Variants in ARHGAP42 observed in about 807,000 individuals in gnomAD.
ARHGAP42 encodes the protein rho GTPase-activating protein 42.
In ARHGAP42, 63 loss-of-function variants were observed where a neutral mutation model predicts 125.0. The observed-to-expected ratio is 0.50, with a 90% CI of 0.41 to 0.62. The LOEUF is 0.62. Among genes scored for constraint, ARHGAP42 ranks in the 20% least tolerant of loss-of-function variants. ARHGAP42 has a pLI of 0.00. For synonymous variants in ARHGAP42, 339 were observed against 351.0 expected (o/e 0.97, Z 0.38); for missense variants, 766 against 1,024.2 (o/e 0.75, Z 3.44).
At chr11:100,753,150 G>A (rs1303879904) in intron 1 of ARHGAP42, among the ~76,000 whole-genome samples, 2 of 152,124 alleles carry the variant, frequency 1.3e-5, no homozygotes, top group African/African-American at 4.8e-5. Flanking sequence ...GGCAAGCAGA[G>A]GCCCCTGTGG....
chr11:100,916,709 G>A (rs910450947), intron 5 of ARHGAP42, among the ~76,000 whole-genome samples: 3 of 152,158 alleles, frequency 2.0e-5, no homozygotes, highest in Admixed American at 6.5e-5. Context: ...TAGTTGAGAC[G>A]ATTTCTCTTG....
At chr11:100,766,206 A>G (rs1171854486) in intron 1 of ARHGAP42, among the ~76,000 whole-genome samples, 1 of 145,824 alleles carries the variant, frequency 6.9e-6, no homozygotes, top group African/African-American at 2.5e-5. Flanking sequence ...AAGTTAGGCA[A>G]ATGGGAAGGA....
At chr11:100,930,232 A>T (rs2135256496) in intron 6 of ARHGAP42, among the ~76,000 whole-genome samples, 1 of 152,340 alleles carries the variant, frequency 6.6e-6, no homozygotes, top group Admixed American at 6.5e-5. Flanking sequence ...TCACCAAAGA[A>T]AATGATATGT....
chr11:100,723,758 C>T (rs903767144), intron 1 of ARHGAP42, among the ~76,000 whole-genome samples: 1 of 151,682 alleles, frequency 6.6e-6, no homozygotes, highest in East Asian at 1.9e-4. Context: ...ATATCCTTTT[C>T]TTGTTTATAT....
At chr11:100,695,377 C>T (rs1036160985) in intron 1 of ARHGAP42, among the ~76,000 whole-genome samples, 1 of 152,178 alleles carries the variant, frequency 6.6e-6, no homozygotes, top group African/African-American at 2.4e-5. Context: ...GATCTCAGCT[C>T]ACCGCAACCT....
intron 2 of ARHGAP42, among the ~76,000 whole-genome samples, chr11:100,776,564 T>A (rs548947623): frequency 6.6e-6 from 1 of 152,188 alleles, no homozygotes; most frequent in Non-Finnish European, 1.5e-5. Context: ...GTAGTTTGGA[T>A]CAAACTATAT....
chr11:100,868,180 A>G (rs1225835594), intron 4 of ARHGAP42, among the ~76,000 whole-genome samples: 2 of 152,200 alleles, frequency 1.3e-5, no homozygotes, highest in Non-Finnish European at 2.9e-5. Flanking sequence ...TGGCACTAAT[A>G]ACCTTTCCAG....
At chr11:100,776,091 G>T (rs1359754549) in intron 2 of ARHGAP42, among the ~76,000 whole-genome samples, 1 of 151,970 alleles carries the variant, frequency 6.6e-6, no homozygotes, top group Non-Finnish European at 1.5e-5. Flanking sequence ...CCTGGGAGGG[G>T]GTTGTTGCGG....
At chr11:100,813,171 C>T (rs1200972554) in intron 3 of ARHGAP42, among the ~76,000 whole-genome samples, 1 of 151,988 alleles carries the variant, frequency 6.6e-6, no homozygotes, top group Non-Finnish European at 1.5e-5. Context: ...GGTAGGATTT[C>T]TCCACCTCAG....
At chr11:100,890,950 G>C (rs188414233) in intron 4 of ARHGAP42, among the ~76,000 whole-genome samples, 75 of 152,264 alleles carry the variant, frequency 4.9e-4, no homozygotes, top group African/African-American at 1.7e-3. Context: ...CGCCTGTGAG[G>C]TTCTCTCCAA....
chr11:100,841,484 G>A (rs940933504), intron 3 of ARHGAP42, among the ~76,000 whole-genome samples: 1 of 152,050 alleles, frequency 6.6e-6, no homozygotes, highest in Non-Finnish European at 1.5e-5. Flanking sequence ...AGTACAAAAT[G>A]TGGAATCAGT....
chr11:100,967,969 G>T (rs746580233), intron 17 of ARHGAP42, among the ~76,000 whole-genome samples: 3 of 152,038 alleles, frequency 2.0e-5, no homozygotes, highest in African/African-American at 7.2e-5. Context: ...TGATGCACCC[G>T]CCTCAACATC....
At chr11:100,817,405 A>G (rs1056988424) in intron 3 of ARHGAP42, among the ~76,000 whole-genome samples, 2 of 152,152 alleles carry the variant, frequency 1.3e-5, no homozygotes, top group African/African-American at 2.4e-5. Flanking sequence ...GGGGGTACTT[A>G]TTAGTCTTAT....
chr11:100,920,960 T>C (rs1238010980), intron 5 of ARHGAP42, among the ~76,000 whole-genome samples: 2 of 151,990 alleles, frequency 1.3e-5, no homozygotes, highest in Non-Finnish European at 2.9e-5. Context: ...CTTTATAGTA[T>C]GATGCTATCC....
chr11:100,924,679 A>G (rs1867372628), intron 6 of ARHGAP42, among the ~76,000 whole-genome samples: 1 of 152,008 alleles, frequency 6.6e-6, no homozygotes, highest in Non-Finnish European at 1.5e-5. Context: ...TAAATAAATA[A>G]GGAAATAAAT....
At chr11:100,781,879 TTGG>T (rs1863320863) in intron 2 of ARHGAP42, among the ~76,000 whole-genome samples, 1 of 152,174 alleles carries the variant, frequency 6.6e-6, no homozygotes, top group Non-Finnish European at 1.5e-5. Context: ...TTGAAACCAT[TTGG>T]TGCAAAAGGA....
At chr11:100,883,729 GC>G (rs1462473271) in intron 4 of ARHGAP42, among the ~76,000 whole-genome samples, 2 of 152,262 alleles carry the variant, frequency 1.3e-5, no homozygotes, top group African/African-American at 4.8e-5. Context: ...GGGTTTAGAA[GC>G]CTTTTTTGGA....
chr11:100,758,891 T>G (rs1862636137), intron 1 of ARHGAP42, among the ~76,000 whole-genome samples: 1 of 152,204 alleles, frequency 6.6e-6, no homozygotes, highest in Non-Finnish European at 1.5e-5. Flanking sequence ...ATCCTCACTC[T>G]TAATATTTTT....
chr11:100,735,281 C>T (rs1862042268), intron 1 of ARHGAP42, among the ~76,000 whole-genome samples: 3 of 152,164 alleles, frequency 2.0e-5, no homozygotes. Flanking sequence ...CAGATAAATT[C>T]TGCCTCCTTT....
Sources: gnomAD v4.1 joint callset for allele counts (sites outside exome capture counted in the v4.1 genomes callset) on GRCh38, gnomAD v4.1.1 for gene constraint, MANE v1.5 for transcripts, NCBI Gene and HGNC (gene_info 2026-07-23, HGNC 2026-07-21) for gene names.